Variants in PDHX observed in about 807,000 individuals in gnomAD.
PDHX encodes the protein pyruvate dehydrogenase protein X component, mitochondrial.
A neutral mutation model predicts 55.3 loss-of-function variants in PDHX; 33 were observed. That is an observed-to-expected ratio of 0.60 (90% CI 0.45 to 0.80). The LOEUF is 0.80. Ranked by LOEUF, PDHX falls within the 30% of genes least tolerant of loss-of-function variation. The pLI, the probability that PDHX is intolerant of heterozygous loss-of-function variation, is 0.00. For synonymous variants in PDHX, 226 were observed against 219.4 expected, an observed-to-expected ratio of 1.03 and a Z score of -0.27; for missense variants, 622 against 619.9, an observed-to-expected ratio of 1.00 and a Z score of -0.04.
intron 3 of PDHX, among the ~76,000 whole-genome samples, chr11:34,954,889 T>C (rs1854869567): frequency 6.6e-6 from 1 of 152,154 alleles, no homozygotes; most frequent in Non-Finnish European, 1.5e-5. Flanking sequence ...ATAAGGAAAC[T>C]TTACTAAGGT....
intron 1 of PDHX, among the ~76,000 whole-genome samples, chr11:34,922,233 G>T (rs1853900155): frequency 6.6e-6 from 1 of 152,184 alleles, no homozygotes. Context: ...GATGGGTGTG[G>T]AATCACTAAC....
At chr11:34,928,156 T>C (rs1042031830) in intron 1 of PDHX, among the ~76,000 whole-genome samples, 3 of 152,074 alleles carry the variant, frequency 2.0e-5, no homozygotes, top group Admixed American at 6.6e-5. Flanking sequence ...TCGTGACAAC[T>C]GGAACCAAAG....
At chr11:34,922,907 C>A (rs59065898) in intron 1 of PDHX, among the ~76,000 whole-genome samples, 1 of 34,626 alleles carries the variant, frequency 2.9e-5, no homozygotes, top group African/African-American at 7.0e-5. Flanking sequence ...TGTATGTATT[C>A]TTTTGCTAGG....
intron 5 of PDHX, among the ~76,000 whole-genome samples, chr11:34,964,950 A>T (rs1397493913): frequency 6.6e-6 from 1 of 151,942 alleles, no homozygotes; most frequent in Non-Finnish European, 1.5e-5. Context: ...CCTTTTTTTT[A>T]AATAGATGTA....
chr11:34,936,570 A>G (rs1854314432), intron 2 of PDHX, among the ~76,000 whole-genome samples: 1 of 152,102 alleles, frequency 6.6e-6, no homozygotes, highest in Admixed American at 6.5e-5. Context: ...AAACATGGGT[A>G]AACTCTTGGA....
chr11:34,922,300 A>G (rs1288128952), intron 1 of PDHX, among the ~76,000 whole-genome samples: 4 of 152,240 alleles, frequency 2.6e-5, no homozygotes, highest in African/African-American at 9.6e-5. Flanking sequence ...GCTACCAGCA[A>G]GAAAGAAATT....
chr11:34,979,887 C>A (rs1855469908), intron 8 of PDHX, among the ~76,000 whole-genome samples: 1 of 151,530 alleles, frequency 6.6e-6, no homozygotes, highest in Non-Finnish European at 1.5e-5. Context: ...TGGATTATTT[C>A]TTCTTTTCTT....
chr11:34,982,690 C>T (rs970946174), intron 8 of PDHX, among the ~76,000 whole-genome samples: 2 of 152,116 alleles, frequency 1.3e-5, no homozygotes, highest in African/African-American at 4.8e-5. Context: ...GGATAAATTC[C>T]TCGACACATA....
intron 8 of PDHX, among the ~76,000 whole-genome samples, chr11:34,983,132 T>G (rs1008015774): frequency 1.3e-5 from 2 of 152,154 alleles, no homozygotes; most frequent in African/African-American, 4.8e-5. Context: ...CGAAAATCAA[T>G]AAACTTAATC....
chr11:34,934,246 G>C (rs1854250670), intron 2 of PDHX, among the ~76,000 whole-genome samples: 1 of 152,204 alleles, frequency 6.6e-6, no homozygotes, highest in Admixed American at 6.5e-5. Context: ...CTGTGAAGTA[G>C]TCTTGCCAGA....
intron 2 of PDHX, among the ~76,000 whole-genome samples, chr11:34,945,761 T>G (rs1203172859): frequency 5.3e-5 from 8 of 152,222 alleles, no homozygotes. Context: ...AAGGTATAAC[T>G]TGCATAAACT....
intron 5 of PDHX, among the ~76,000 whole-genome samples, chr11:34,965,279 A>G (rs1462960931): frequency 6.6e-6 from 1 of 152,048 alleles, no homozygotes. Flanking sequence ...TTTTCTTTCT[A>G]GCTCTCAGCC....
At chr11:34,916,163 A>T, upstream of PDHX, 1 of 1,562,694 alleles carries the variant, frequency 6.4e-7, no homozygotes, top group Non-Finnish European at 8.7e-7. Context: ...GCCCAGCTCC[A>T]GCCGCCGGGT....
At chr11:34,916,337 G>A (rs2956113), upstream of PDHX, 581,491 of 1,599,314 alleles carry the variant, frequency 0.36, 110,744 homozygotes, top group East Asian at 0.73. Context: ...CTTTGCGCGC[G>A]GCGCTTAGCC....
rs1354004347 is a variant in PDHX, at chr11:34,984,816, C to CA, written c.1182+89dup. On this transcript the variant is annotated intron_variant, in intron 9 of 10. Coordinates refer to ENST00000227868, the MANE Select transcript of PDHX (RefSeq NM_003477.3). ...TGATAAAGTTGTGACGTAATCTAGT[C>CA]AGACTGTGATTTTTGTGTGTGTGAA... 3.2e-6 allele frequency: 4 copies of CA among 1,263,280 alleles called. No homozygotes were observed. In the Admixed American group the frequency reaches 6.7e-5, roughly 21 times the overall value. The allele number at this position is 1,263,280 out of a possible 1,614,324, so 78.3% of individuals were successfully genotyped here. A position where few individuals can be genotyped will look rare whatever the true frequency, so the allele number is the denominator to read the frequency against.
intron 1 of PDHX, among the ~76,000 whole-genome samples, chr11:34,929,120 G>A (rs916113002): frequency 4.0e-4 from 59 of 149,258 alleles, no homozygotes; most frequent in Non-Finnish European, 5.2e-4. Context: ...TTCGTAATTA[G>A]GAGTTAGGAA....
At chr11:34,989,454 C>T (rs1259050737) in intron 9 of PDHX, among the ~76,000 whole-genome samples, 2 of 152,088 alleles carry the variant, frequency 1.3e-5, no homozygotes, top group Non-Finnish European at 2.9e-5. Flanking sequence ...GAAGATTCCC[C>T]GAGGAATGTG....
chr11:34,976,224 C>G (rs143720661), intron 7 of PDHX, among the ~76,000 whole-genome samples: 84 of 152,276 alleles, frequency 5.5e-4, no homozygotes, highest in African/African-American at 2.0e-3. Context: ...TATCTTCACT[C>G]CTCTTTCTCA....
At chr11:34,935,134 T>A (rs1854278981) in intron 2 of PDHX, among the ~76,000 whole-genome samples, 1 of 152,018 alleles carries the variant, frequency 6.6e-6, no homozygotes, top group South Asian at 2.1e-4. Flanking sequence ...TTGCCTTTCC[T>A]TACCACTTTT....
Sources: allele counts gnomAD v4.1 joint callset (sites outside exome capture counted in the v4.1 genomes callset), GRCh38; gene constraint gnomAD v4.1.1; transcripts MANE v1.5; gene names NCBI Gene and HGNC (gene_info 2026-07-23, HGNC 2026-07-21).